The following UBE2G1 variants were observed in gnomAD, a reference collection of about 807,000 sequenced individuals.
UBE2G1 encodes the protein ubiquitin conjugating enzyme E2 G1, also known as ubiquitin-conjugating enzyme E2 G1.
In UBE2G1, 5 loss-of-function variants were observed where a neutral mutation model predicts 22.7. That is an observed-to-expected ratio of 0.22 (90% CI 0.12 to 0.46). The LOEUF (loss-of-function observed/expected upper bound fraction) is 0.46. Ranked by LOEUF, UBE2G1 falls within the 20% of genes least tolerant of loss-of-function variation. UBE2G1 has a pLI of 0.99. For missense variants in UBE2G1, 88 were observed against 203.9 expected (o/e 0.43, Z 3.46); for synonymous variants, 74 against 67.5 (o/e 1.10, Z -0.47).
intron 1 of UBE2G1, among the ~76,000 whole-genome samples, chr17:4,365,369 C>A (rs972450871): frequency 2.0e-5 from 3 of 152,264 alleles, no homozygotes; most frequent in Non-Finnish European, 2.9e-5. Flanking sequence ...TCCGCGCACA[C>A]AGTCCTAGCA....
chr17:4,358,939 C>T (rs1194029032), intron 1 of UBE2G1, among the ~76,000 whole-genome samples: 3 of 149,556 alleles, frequency 2.0e-5, no homozygotes, highest in East Asian at 3.9e-4. Flanking sequence ...GCAACAAGAG[C>T]GAAACTCCAT....
At position 4,282,795 on chromosome 17, in the gene UBE2G1, T is replaced by C; in HGVS notation, c.*37+3A>G. The C allele has an allele frequency of 6.4e-7, 1 of 1,561,802 alleles. No individual in the cohort carries two copies. Among genetic ancestry groups the C allele is most frequent in the Middle Eastern group, 1.7e-4 (1 of 5,864 alleles). ...AAAAGTATGATATTTAAAATAAACT[T>C]ACCCTGAAATAAGTGAAGTTACTAG... On this transcript the variant is annotated splice_donor_region_variant and intron_variant, in intron 5 of 5. Transcript: ENST00000396981.
rs1399974597 is a variant in UBE2G1, at chr17:4,301,339, C to T, written c.150-4525G>A. On this transcript the variant is annotated intron_variant, in intron 2 of 5. Transcript: ENST00000396981. Reference sequence around the variant, plus strand: ...ACCCCTTTTGCCTCTCAGCCTCCCACGGGCGCAATGGAGGAGAAGGATGAG... The same window carrying T: ...ACCCCTTTTGCCTCTCAGCCTCCCATGGGCGCAATGGAGGAGAAGGATGAG... The T allele has an allele frequency of 2.2e-5, 10 of 462,698 alleles. No individual in the cohort carries two copies. The East Asian group carries it at 3.2e-4, about 15-fold the overall frequency. The allele number at this position is 462,698 out of a possible 1,614,324, so 28.7% of individuals were successfully genotyped here.
chr17:4,283,389 A>T (rs1163706510), intron 4 of UBE2G1, among the ~76,000 whole-genome samples: 1 of 152,136 alleles, frequency 6.6e-6, no homozygotes, highest in East Asian at 1.9e-4. Context: ...AATCCCAGCT[A>T]CTCAGGAGGC....
At chr17:4,337,320 A>T (rs1246499104) in intron 1 of UBE2G1, among the ~76,000 whole-genome samples, 5 of 109,654 alleles carry the variant, frequency 4.6e-5, no homozygotes, top group Non-Finnish European at 7.0e-5. Flanking sequence ...TAATCTGTGT[A>T]AAAAAAAAAA....
At chr17:4,272,978 A>G (rs1222452851) in intron 5 of UBE2G1, among the ~76,000 whole-genome samples, 1 of 152,254 alleles carries the variant, frequency 6.6e-6, no homozygotes, top group Admixed American at 6.5e-5. Flanking sequence ...AAACAACTTA[A>G]GATTGCCACA....
At chr17:4,326,240 A>G (rs1010256676) in intron 1 of UBE2G1, among the ~76,000 whole-genome samples, 4 of 152,218 alleles carry the variant, frequency 2.6e-5, no homozygotes, top group Non-Finnish European at 4.4e-5. Flanking sequence ...ATACAACTCA[A>G]TAACAACAAG....
Position 4,366,347 on chromosome 17 carries a change from G to C in UBE2G1, c.-31C>G. ...CTGCCGAGGGCCCGGGCTGGCGCCG[G>C]GGCTTCCGAAGGGCTGGGGACAGGC... On this transcript the variant is annotated 5_prime_UTR_variant, in exon 1 of 6. Coordinates refer to ENST00000396981, the MANE Select transcript of UBE2G1 (RefSeq NM_003342.5). 6.6e-7 allele frequency: 1 copy of C among 1,524,306 alleles called. No individual in the cohort carries two copies. Among genetic ancestry groups the C allele is most frequent in the Non-Finnish European group, 8.7e-7 (1 of 1,145,302 alleles). The allele number at this position is 1,524,306 out of a possible 1,614,324, so 94.4% of individuals were successfully genotyped here.
intron 1 of UBE2G1, among the ~76,000 whole-genome samples, chr17:4,308,914 C>T (rs1384328164): frequency 6.6e-6 from 1 of 152,136 alleles, no homozygotes; most frequent in Non-Finnish European, 1.5e-5. Context: ...ATTATTTCAA[C>T]AACTACGATT....
chr17:4,343,695 TCTC>T (rs1211099790), intron 1 of UBE2G1, among the ~76,000 whole-genome samples: 7 of 151,916 alleles, frequency 4.6e-5, no homozygotes, highest in Non-Finnish European at 1.5e-5. Flanking sequence ...TTCACGCCAT[TCTC>T]CTGCCTCAGC....
At chr17:4,319,110 A>AT (rs1555521586) in intron 1 of UBE2G1, among the ~76,000 whole-genome samples, 1 of 152,242 alleles carries the variant, frequency 6.6e-6, no homozygotes, top group Non-Finnish European at 1.5e-5. Context: ...GGAGATTTAC[A>AT]TAAGTTAAAC....
chr17:4,333,778 C>T (rs1969611974), intron 1 of UBE2G1, among the ~76,000 whole-genome samples: 1 of 151,954 alleles, frequency 6.6e-6, no homozygotes, highest in South Asian at 2.1e-4. Flanking sequence ...GAGATTGCAC[C>T]ACTGCACTCC....
intron 1 of UBE2G1, among the ~76,000 whole-genome samples, chr17:4,322,856 G>C (rs886298104): frequency 1.3e-5 from 2 of 151,986 alleles, no homozygotes; most frequent in Non-Finnish European, 2.9e-5. Context: ...ATAACCACCA[G>C]CAGCATGGAA....
chr17:4,360,835 TG>T (rs1284401455), intron 1 of UBE2G1, among the ~76,000 whole-genome samples: 1 of 152,082 alleles, frequency 6.6e-6, no homozygotes, highest in Admixed American at 6.6e-5. Context: ...CACTTGAACC[TG>T]GGGAGGCGGA....
intron 2 of UBE2G1, among the ~76,000 whole-genome samples, chr17:4,305,288 T>C (rs527862780): frequency 2.0e-5 from 3 of 152,350 alleles, no homozygotes; most frequent in Non-Finnish European, 2.9e-5. Context: ...GGTAGCATTC[T>C]AAAAGGCTTA....
At chr17:4,347,009 C>T (rs1969785153) in intron 1 of UBE2G1, among the ~76,000 whole-genome samples, 1 of 151,738 alleles carries the variant, frequency 6.6e-6, no homozygotes, top group Admixed American at 6.6e-5. Context: ...AAAAATTAGC[C>T]GGGCATGGTG....
At chr17:4,351,740 G>T (rs987981550) in intron 1 of UBE2G1, among the ~76,000 whole-genome samples, 3 of 152,152 alleles carry the variant, frequency 2.0e-5, no homozygotes, top group Non-Finnish European at 4.4e-5. Flanking sequence ...AAAAAATAGG[G>T]AAATACAATC....
In UBE2G1 at chr17:4,313,625, TTC is replaced by T. The variant is rs71832912; in HGVS notation, c.47-6504_47-6503del. 6.0e-3 allele frequency among the ~76,000 whole-genome samples: 886 copies of T among 148,632 alleles called. 5 individuals are homozygous for T. The highest frequency in any genetic ancestry group is 0.018 in the African/African-American group (743 of 41,036). Reference sequence around the variant, plus strand: ...GTATTACAAATCAGGACGATAGTATTTCTCTCTCTCTCTCTCTCTGTCTTTTG... The same window carrying T: ...GTATTACAAATCAGGACGATAGTATTTCTCTCTCTCTCTCTCTGTCTTTTG... On this transcript the variant is annotated intron_variant, in intron 1 of 5. Coordinates refer to ENST00000396981, the MANE Select transcript of UBE2G1 (RefSeq NM_003342.5).
Position 4,337,307 on chromosome 17 carries a change from C to T in UBE2G1, c.46+28964G>A, listed in dbSNP as rs528443240. Among the ~76,000 whole-genome samples the T allele has an allele frequency of 5.1e-4, 70 of 138,172 alleles. No homozygotes were observed. In the South Asian group the frequency reaches 0.014, roughly 27 times the overall value. 90.6% of individuals were successfully genotyped at this position (138,172 alleles called of 152,430 possible). A position where few individuals can be genotyped will look rare whatever the true frequency, so the allele number is the denominator to read the frequency against. ...AATGAGTCGTGTTCATGCCACTACA[C>T]TCTAATCTGTGTAAAAAAAAAAAAA... On this transcript the variant is annotated intron_variant, in intron 1 of 5. Transcript: ENST00000396981.
Sources: allele counts gnomAD v4.1 joint callset (sites outside exome capture counted in the v4.1 genomes callset), GRCh38; gene constraint gnomAD v4.1.1; transcripts MANE v1.5; gene names NCBI Gene and HGNC (gene_info 2026-07-23, HGNC 2026-07-21).